The following COL22A1 variants were observed in gnomAD, a reference collection of about 807,000 sequenced individuals.
COL22A1 encodes the protein collagen type XXII alpha 1 chain.
In COL22A1, 221 loss-of-function variants were observed where a neutral mutation model predicts 248.9. The observed-to-expected ratio is 0.89, with a 90% CI of 0.80 to 0.99. The LOEUF (loss-of-function observed/expected upper bound fraction) is 0.99. Ranked by LOEUF, COL22A1 falls within the 50% of genes least tolerant of loss-of-function variation. The pLI is 0.00. For missense variants in COL22A1, 2,240 were observed against 2,179.0 expected (o/e 1.03, Z -0.56); for synonymous variants, 891 against 793.4 (o/e 1.12, Z -2.07).
At chr8:138,672,090 C>T (rs1459500022) in intron 41 of COL22A1, among the ~76,000 whole-genome samples, 1 of 152,098 alleles carries the variant, frequency 6.6e-6, no homozygotes, top group African/African-American at 2.4e-5. Context: ...TGTATGGTAC[C>T]CCTGCTGGAA....
rs547673547 is a variant in COL22A1, at chr8:138,807,023, A to G, written c.1494+745T>C. On this transcript the variant is annotated intron_variant, in intron 10 of 64. Transcript: ENST00000303045. ...TAATGATGCACTGAATACATTATTC[A>G]AACTAAGAAATGCAGGAGGAGAAAT... Among the ~76,000 whole-genome samples, 118 of 152,320 alleles carry G rather than the reference A, an allele frequency of 7.7e-4. 1 individual carries two copies. The highest frequency in any genetic ancestry group is 2.7e-3 in the African/African-American group (111 of 41,572).
chr8:138,616,834 G>T, intron 54 of COL22A1, 80 bp downstream of exon 54: 2 of 1,534,470 alleles, frequency 1.3e-6, no homozygotes, highest in Non-Finnish European at 1.8e-6. Context: ...GCCATGGCCT[G>T]CAGGCTGCAA....
intron 1 of COL22A1, among the ~76,000 whole-genome samples, chr8:138,911,066 C>T (rs1242577593): frequency 6.6e-6 from 1 of 152,226 alleles, no homozygotes; most frequent in Non-Finnish European, 1.5e-5. Context: ...GCTTACCTAG[C>T]TCAAGCATTC....
chr8:138,660,926 A>C (rs1823834935), intron 43 of COL22A1, among the ~76,000 whole-genome samples: 1 of 119,144 alleles, frequency 8.4e-6, no homozygotes, highest in Admixed American at 7.9e-5. Context: ...ACACACACAC[A>C]GACACACAGA....
chr8:138,834,661 C>T (rs943906495), intron 4 of COL22A1, among the ~76,000 whole-genome samples: 4 of 152,236 alleles, frequency 2.6e-5, no homozygotes, highest in Admixed American at 1.3e-4. Context: ...GGATTATTTT[C>T]GAATGTACGT....
At chr8:138,803,701 C>CA (rs774240395) in intron 10 of COL22A1, among the ~76,000 whole-genome samples, 21 of 152,242 alleles carry the variant, frequency 1.4e-4, no homozygotes, top group African/African-American at 4.6e-4. Context: ...AAACTCATCA[C>CA]AAGCCAAGTG....
chr8:138,691,683 A>ATTT (rs145860473), intron 35 of COL22A1, among the ~76,000 whole-genome samples: 8 of 29,306 alleles, frequency 2.7e-4, no homozygotes, highest in Admixed American at 8.2e-4. Flanking sequence ...ATATGTGTAC[A>ATTT]GTGCATGTGT....
At chr8:138,645,288 C>T (rs1026153758) in intron 47 of COL22A1, among the ~76,000 whole-genome samples, 4 of 152,114 alleles carry the variant, frequency 2.6e-5, no homozygotes, top group Non-Finnish European at 5.9e-5. Context: ...CCTCTTCCCA[C>T]CTCTTTATGA....
At chr8:138,630,672 A>T in intron 50 of COL22A1, 23 bp downstream of exon 50, 1 of 1,609,524 alleles carries the variant, frequency 6.2e-7, no homozygotes, top group African/African-American at 1.3e-5. Context: ...TTAAAAACAG[A>T]TCCCATTCCT....
At chr8:138,855,065 T>G (rs763948350) in intron 3 of COL22A1, among the ~76,000 whole-genome samples, 1 of 152,192 alleles carries the variant, frequency 6.6e-6, no homozygotes, top group Non-Finnish European at 1.5e-5. Context: ...GCCTCCAGCA[T>G]CCTTCTGAGT....
In COL22A1 at chr8:138,589,388, G is replaced by T. The variant is rs760161445; in HGVS notation, c.4746C>A (p.Gly1582=). Residue 1582 remains glycine (G), a synonymous_variant, in exon 65 of 65, where the codon GGC becomes GGA. Coordinates refer to ENST00000303045, the MANE Select transcript of COL22A1 (RefSeq NM_152888.3). Reference sequence around the variant, plus strand: ...CAGCTGGTCCTGTCTCCCCTTGAGGGCCAGGGATCCCAGGAAGTCCATCTT... The same window carrying T: ...CAGCTGGTCCTGTCTCCCCTTGAGGTCCAGGGATCCCAGGAAGTCCATCTT... ...YAKDGLPGIP[G]PQGETGPAGH... is the part of the protein sequence containing the mutation. 3.1e-6 allele frequency: 5 copies of T among 1,601,546 alleles called. No individual in the cohort carries two copies. In the East Asian group the frequency reaches 1.1e-4, roughly 36 times the overall value.
chr8:138,778,367 G>A lies in COL22A1; in HGVS notation c.1744C>T (p.Arg582Cys), dbSNP rs746798190. ...CCTTCACTTACAGGAGCTCCGACAC[G>A]TCCAGGAGGTCCGGGGAGTCCAGGT... is the stretch of plus-strand genomic sequence containing the variant. The part of the protein sequence containing the change: ...GPPGLPGPPG[R>C]VGAPGLQGER... Residue 582 changes from arginine (R) to cysteine (C), a missense_variant, in exon 15 of 65, where the codon CGT becomes TGT. Arg to Cys is a radical substitution (Grantham distance 180). Coordinates refer to ENST00000303045, the MANE Select transcript of COL22A1 (RefSeq NM_152888.3). The A allele has an allele frequency of 1.5e-5, 25 of 1,613,584 alleles. No individual in the cohort carries two copies. The highest frequency in any genetic ancestry group is 3.3e-4 in the Middle Eastern group (2 of 6,058).
intron 60 of COL22A1, among the ~76,000 whole-genome samples, chr8:138,601,774 C>T (rs559581434): frequency 1.3e-5 from 2 of 152,278 alleles, no homozygotes; most frequent in African/African-American, 4.8e-5. Flanking sequence ...GAGCCCGTCT[C>T]GGCGGGCATT....
At chr8:138,904,348 A>C (rs1322517013) in intron 1 of COL22A1, among the ~76,000 whole-genome samples, 2 of 151,006 alleles carry the variant, frequency 1.3e-5, no homozygotes, top group African/African-American at 2.4e-5. Flanking sequence ...CCACACACAC[A>C]CCCTTACCAC....
At chr8:138,802,744 T>C in intron 11 of COL22A1, 128 bp downstream of exon 11, 1 of 741,156 alleles carries the variant, frequency 1.3e-6, no homozygotes, top group Middle Eastern at 2.6e-4. Flanking sequence ...TTGAGGGTGG[T>C]GTGGGAGTAG....
chr8:138,597,389 C>A (rs1184663499), intron 61 of COL22A1, among the ~76,000 whole-genome samples: 1 of 152,168 alleles, frequency 6.6e-6, no homozygotes, highest in African/African-American at 2.4e-5. Flanking sequence ...TCTATGTGAA[C>A]TCATGTGGAT....
intron 3 of COL22A1, among the ~76,000 whole-genome samples, chr8:138,868,988 T>G (rs1434278579): frequency 6.6e-6 from 1 of 152,118 alleles, no homozygotes; most frequent in Non-Finnish European, 1.5e-5. Flanking sequence ...TGCCTCAGCC[T>G]CCAAAAGTGC....
At chr8:138,907,657 T>C (rs1815124807) in intron 1 of COL22A1, among the ~76,000 whole-genome samples, 1 of 152,220 alleles carries the variant, frequency 6.6e-6, no homozygotes, top group South Asian at 2.1e-4. Context: ...CTTTTAATAA[T>C]ACAGACTGGG....
At chr8:138,864,814 C>T (rs1355397192) in intron 3 of COL22A1, among the ~76,000 whole-genome samples, 1 of 152,150 alleles carries the variant, frequency 6.6e-6, no homozygotes, top group African/African-American at 2.4e-5. Flanking sequence ...TCACTCTCAG[C>T]CCAACCTGAG....
Sources: allele counts gnomAD v4.1 joint callset (sites outside exome capture counted in the v4.1 genomes callset), GRCh38; gene constraint gnomAD v4.1.1; transcripts MANE v1.5; gene names NCBI Gene and HGNC (gene_info 2026-07-23, HGNC 2026-07-21).